The following CCDC85A variants were observed in gnomAD, a reference collection of about 807,000 sequenced individuals.
The protein encoded by CCDC85A is coiled-coil domain containing 85A, also known as coiled-coil domain-containing protein 85A.
Under a neutral mutation model 50.2 loss-of-function variants are expected in CCDC85A, and 38 were observed. The ratio of observed to expected loss-of-function variants is 0.76; its 90% CI spans 0.58 to 0.99. The LOEUF (loss-of-function observed/expected upper bound fraction) is 0.99, where lower values mean the gene tolerates loss of function less well. CCDC85A is among the 50% of genes least tolerant of loss of function. CCDC85A has a pLI of 0.00. For synonymous variants in CCDC85A, 366 were observed against 301.4 expected, an observed-to-expected ratio of 1.21 and a Z score of -2.22; for missense variants, 820 against 742.0, an observed-to-expected ratio of 1.11 and a Z score of -1.22.
At chr2:56,289,412 G>A (rs1187796047) in intron 2 of CCDC85A, among the ~76,000 whole-genome samples, 1 of 152,182 alleles carries the variant, frequency 6.6e-6, no homozygotes, top group African/African-American at 2.4e-5. Flanking sequence ...GGGTTGAAGA[G>A]GAGCTCATGA....
At chr2:56,333,717 C>T (rs1558646195) in intron 2 of CCDC85A, among the ~76,000 whole-genome samples, 1 of 151,550 alleles carries the variant, frequency 6.6e-6, no homozygotes, top group Non-Finnish European at 1.5e-5. Context: ...GAGGTAGGGT[C>T]AAAAAAAATT....
In CCDC85A at chr2:56,286,543, T is replaced by C. The variant is rs115872564; in HGVS notation, c.1241-56336T>C. On this transcript the variant is annotated intron_variant, in intron 2 of 5. Coordinates refer to ENST00000407595, the MANE Select transcript of CCDC85A (RefSeq NM_001080433.2). Reference sequence around the variant, plus strand: ...TTGCTAAATTTTTCATATTACTTTTTACTACTAGAATTGGCTTTCTTTTAT... The same window carrying C: ...TTGCTAAATTTTTCATATTACTTTTCACTACTAGAATTGGCTTTCTTTTAT... 7.4e-3 allele frequency among the ~76,000 whole-genome samples: 1,131 copies of C among 152,300 alleles called. 12 individuals are homozygous for C. The highest frequency in any genetic ancestry group is 0.026 in the African/African-American group (1,062 of 41,576).
At chr2:56,366,745 C>A (rs947082369) in intron 3 of CCDC85A, among the ~76,000 whole-genome samples, 16 of 152,102 alleles carry the variant, frequency 1.1e-4, no homozygotes, top group African/African-American at 3.6e-4. Context: ...TGATTGAGAG[C>A]TGTTATGTCA....
intron 3 of CCDC85A, among the ~76,000 whole-genome samples, chr2:56,368,840 ATATATG>A (rs773350046): frequency 2.4e-4 from 36 of 152,108 alleles, no homozygotes; most frequent in Admixed American, 1.2e-3. Context: ...ACATATGTAC[ATATATG>A]TATATGTATA....
rs1023223499 is a variant in CCDC85A, at chr2:56,382,425, A to G, written c.1573-1841A>G. ...AAAGGTTATTATTCATATTACCATC[A>G]TGTGGGTTAGTATGTAGTTAGCTAT... On this transcript the variant is annotated intron_variant, in intron 5 of 5. Coordinates refer to ENST00000407595, the MANE Select transcript of CCDC85A (RefSeq NM_001080433.2). 3.3e-5 allele frequency among the ~76,000 whole-genome samples: 5 copies of G among 152,134 alleles called. No homozygotes were observed. The East Asian group carries it at 9.7e-4, about 30-fold the overall frequency.
intron 2 of CCDC85A, among the ~76,000 whole-genome samples, chr2:56,206,833 C>T (rs1676982767): frequency 6.6e-6 from 1 of 152,094 alleles, no homozygotes; most frequent in Non-Finnish European, 1.5e-5. Context: ...TGATTTAATC[C>T]CTTTTCACTT....
chr2:56,375,781 T>C (rs751540699), intron 4 of CCDC85A, 35 bp from the exon 5 acceptor site: 9 of 1,607,822 alleles, frequency 5.6e-6, no homozygotes, highest in Non-Finnish European at 7.6e-6. Flanking sequence ...AAACGACTTT[T>C]GTTTTAATAA....
chr2:56,223,768 A>G (rs1668428880), intron 2 of CCDC85A, among the ~76,000 whole-genome samples: 1 of 152,120 alleles, frequency 6.6e-6, no homozygotes, highest in Non-Finnish European at 1.5e-5. Context: ...TTTTGCCCCA[A>G]AGCCTGGCCA....
At chr2:56,229,621 T>C (rs1436623795) in intron 2 of CCDC85A, among the ~76,000 whole-genome samples, 1 of 152,152 alleles carries the variant, frequency 6.6e-6, no homozygotes. Flanking sequence ...ATCGTGGACC[T>C]CTGGTTTCTG....
intron 2 of CCDC85A, among the ~76,000 whole-genome samples, chr2:56,238,453 T>G (rs1573078210): frequency 6.6e-6 from 1 of 152,268 alleles, no homozygotes; most frequent in South Asian, 2.1e-4. Flanking sequence ...GCGTTCATTT[T>G]TTTAAATTAA....
At chr2:56,323,420 G>T (rs1342563576) in intron 2 of CCDC85A, among the ~76,000 whole-genome samples, 1 of 152,040 alleles carries the variant, frequency 6.6e-6, no homozygotes, top group Non-Finnish European at 1.5e-5. Flanking sequence ...CTCCAGGGAG[G>T]TTTTATTTTC....
chr2:56,193,211 G>A lies in CCDC85A; in HGVS notation c.1011G>A (p.Glu337=). Residue 337 remains glutamate (E), a synonymous_variant, in exon 2 of 6, where the codon GAG becomes GAA. Coordinates refer to ENST00000407595, the MANE Select transcript of CCDC85A (RefSeq NM_001080433.2). Reference sequence around the variant, plus strand: ...CCAGGCACAGTGGAGGGAGCCCGGAGCATCTTCAGAAACACGCTCTTGGGG... The same window carrying A: ...CCAGGCACAGTGGAGGGAGCCCGGAACATCTTCAGAAACACGCTCTTGGGG... ...EHARHSGGSP[E]HLQKHALGGS... 1 of 1,613,306 alleles carries A rather than the reference G, an allele frequency of 6.2e-7. No homozygotes were observed. The highest frequency in any genetic ancestry group is 8.5e-7 in the Non-Finnish European group (1 of 1,179,734).
At chr2:56,202,690 C>T (rs554034393) in intron 2 of CCDC85A, among the ~76,000 whole-genome samples, 7 of 152,340 alleles carry the variant, frequency 4.6e-5, no homozygotes, top group South Asian at 4.1e-4. Flanking sequence ...AAGTAAAGTA[C>T]ACTTACATTC....
At chr2:56,355,440 T>G (rs1675175260) in intron 3 of CCDC85A, among the ~76,000 whole-genome samples, 1 of 152,198 alleles carries the variant, frequency 6.6e-6, no homozygotes, top group Non-Finnish European at 1.5e-5. Context: ...CTCTTTGTCC[T>G]CAAACTTCAT....
rs141482481 is a variant in CCDC85A, at chr2:56,370,538, C to T, written c.1318-1806C>T. Among the ~76,000 whole-genome samples, 481 of 152,038 alleles carry T rather than the reference C, an allele frequency of 3.2e-3. 2 individuals are homozygous for T. Among genetic ancestry groups the T allele is most frequent in the African/African-American group, 0.011 (466 of 41,496 alleles). On this transcript the variant is annotated intron_variant, in intron 3 of 5. Transcript: ENST00000407595. ...GATCTGGCCCCTGTTTATTGTTCCC[C>T]CTTATGAGATTAATAATACTATAAA... is the stretch of plus-strand genomic sequence containing the variant.
intron 3 of CCDC85A, among the ~76,000 whole-genome samples, chr2:56,344,854 TG>T (rs1166027639): frequency 6.6e-6 from 1 of 152,094 alleles, no homozygotes; most frequent in East Asian, 1.9e-4. Flanking sequence ...AAGTGATTTT[TG>T]TTCTTAGTTT....
intron 2 of CCDC85A, among the ~76,000 whole-genome samples, chr2:56,304,594 A>T (rs2104202139): frequency 6.6e-6 from 1 of 152,290 alleles, no homozygotes; most frequent in South Asian, 2.1e-4. Flanking sequence ...TGAAAGTAAA[A>T]CTGAGAAATA....
intron 2 of CCDC85A, among the ~76,000 whole-genome samples, chr2:56,319,762 G>A (rs188369443): frequency 1.6e-4 from 24 of 152,176 alleles, no homozygotes; most frequent in African/African-American, 5.8e-4. Flanking sequence ...AGGACCCTGT[G>A]TAATGTCTTG....
At chr2:56,243,534 C>T (rs1325186663) in intron 2 of CCDC85A, among the ~76,000 whole-genome samples, 1 of 152,028 alleles carries the variant, frequency 6.6e-6, no homozygotes, top group Non-Finnish European at 1.5e-5. Context: ...TTTTGAATTA[C>T]CTTTCTGTGT....
Sources: allele counts gnomAD v4.1 joint callset (sites outside exome capture counted in the v4.1 genomes callset), GRCh38; gene constraint gnomAD v4.1.1; transcripts MANE v1.5; gene names NCBI Gene and HGNC (gene_info 2026-07-23, HGNC 2026-07-21).